The following CCDC73 variants were observed in gnomAD, a reference collection of about 807,000 sequenced individuals.
CCDC73 encodes the protein coiled-coil domain containing 73, also known as coiled-coil domain-containing protein 73.
CCDC73 carries 95 observed loss-of-function variants against 116.5 expected under a neutral mutation model. That is an observed-to-expected ratio of 0.82 (90% CI 0.69 to 0.97). The LOEUF is 0.97. Ranked by LOEUF, CCDC73 falls within the 50% of genes least tolerant of loss-of-function variation. The probability of loss-of-function intolerance (pLI) is 0.00; values close to 1 mark genes in which losing one functional copy is unlikely to be tolerated. For synonymous variants in CCDC73, 398 were observed against 401.3 expected, an observed-to-expected ratio of 0.99 and a Z score of 0.10; for missense variants, 1,066 against 1,206.8, an observed-to-expected ratio of 0.88 and a Z score of 1.73.
intron 9 of CCDC73, among the ~76,000 whole-genome samples, chr11:32,673,094 T>TA (rs1482198621): frequency 6.6e-6 from 1 of 151,994 alleles, no homozygotes; most frequent in African/African-American, 2.4e-5. Flanking sequence ...ACAACCCAAT[T>TA]AAAAAATGGG....
chr11:32,758,481 G>A (rs1411018931), intron 2 of CCDC73: 3 of 458,626 alleles, frequency 6.5e-6, no homozygotes, highest in Non-Finnish European at 8.7e-6. Context: ...TTGAAAAAAT[G>A]TGTCAGCAGA....
chr11:32,788,476 CTTTT>C (rs35792191), intron 1 of CCDC73, among the ~76,000 whole-genome samples: 4 of 140,096 alleles, frequency 2.9e-5, no homozygotes, highest in African/African-American at 2.6e-5. Flanking sequence ...TGGTACAAAT[CTTTT>C]TTTTTTTTTT....
chr11:32,792,780 T>C (rs1850688383), intron 1 of CCDC73, among the ~76,000 whole-genome samples: 1 of 152,230 alleles, frequency 6.6e-6, no homozygotes, highest in Admixed American at 6.5e-5. Context: ...GTTTCAATTC[T>C]AGCTCCACCA....
chr11:32,812,460 G>A, the CCDC73 span, among the ~76,000 whole-genome samples: 20 of 152,310 alleles, frequency 1.3e-4, no homozygotes, highest in East Asian at 2.9e-3. Flanking sequence ...GAGGTCGGGA[G>A]TTCAAGGCTA....
intron 1 of CCDC73, among the ~76,000 whole-genome samples, chr11:32,763,384 C>T (rs1338401688): frequency 6.6e-6 from 1 of 152,228 alleles, no homozygotes; most frequent in Admixed American, 6.5e-5. Flanking sequence ...CCGGGTACCC[C>T]TCTGAGACAA....
intron 12 of CCDC73, among the ~76,000 whole-genome samples, chr11:32,642,877 A>T (rs906203409): frequency 1.6e-4 from 24 of 151,378 alleles, no homozygotes; most frequent in African/African-American, 3.9e-4. Flanking sequence ...TTTTTTTTTA[A>T]AAAAAGTAAA....
intron 9 of CCDC73, among the ~76,000 whole-genome samples, chr11:32,671,767 A>G (rs996694783): frequency 6.6e-6 from 1 of 152,194 alleles, no homozygotes; most frequent in Non-Finnish European, 1.5e-5. Flanking sequence ...TTACCCTTCT[A>G]TAACAGTCTG....
intron 6 of CCDC73, among the ~76,000 whole-genome samples, chr11:32,686,304 G>A (rs1190283286): frequency 3.3e-5 from 5 of 149,974 alleles, no homozygotes; most frequent in African/African-American, 1.2e-4. Context: ...TCAGGAGGCA[G>A]GATTTTAGAA....
chr11:32,608,715 G>A (rs192597687), intron 17 of CCDC73, among the ~76,000 whole-genome samples: 1 of 152,296 alleles, frequency 6.6e-6, no homozygotes, highest in East Asian at 1.9e-4. Context: ...CCTAGCAGAG[G>A]TTCTCCATGA....
At chr11:32,761,333 C>A (rs1850390044) in intron 1 of CCDC73, among the ~76,000 whole-genome samples, 2 of 152,112 alleles carry the variant, frequency 1.3e-5, no homozygotes, top group South Asian at 4.2e-4. Context: ...AACTACTCAC[C>A]CACTGAATAA....
At chr11:32,743,633 A>T (rs1850209147) in intron 2 of CCDC73, among the ~76,000 whole-genome samples, 1 of 152,138 alleles carries the variant, frequency 6.6e-6, no homozygotes, top group African/African-American at 2.4e-5. Context: ...ATCCCTTGTA[A>T]GTTGGATTCC....
At chr11:32,622,897 A>G (rs1855536004) in intron 14 of CCDC73, among the ~76,000 whole-genome samples, 1 of 152,106 alleles carries the variant, frequency 6.6e-6, no homozygotes, top group Admixed American at 6.5e-5. Context: ...GAAGAAAAGG[A>G]AAAGATAACT....
At chr11:32,702,819 G>C (rs1471862426) in intron 4 of CCDC73, 54 bp downstream of exon 4, 6 of 1,165,526 alleles carry the variant, frequency 5.1e-6, no homozygotes, top group Middle Eastern at 2.0e-4. Flanking sequence ...TCATAGGAGG[G>C]GGAGGAAATG....
At chr11:32,732,739 G>A (rs1850090786) in intron 2 of CCDC73, among the ~76,000 whole-genome samples, 1 of 152,102 alleles carries the variant, frequency 6.6e-6, no homozygotes, top group African/African-American at 2.4e-5. Flanking sequence ...GTCACCACCA[G>A]GCCTGCCTTA....
intron 2 of CCDC73, among the ~76,000 whole-genome samples, chr11:32,732,898 G>A (rs1850092724): frequency 6.6e-6 from 1 of 152,066 alleles, no homozygotes; most frequent in African/African-American, 2.4e-5. Context: ...ATAATGATAG[G>A]ATCGAATTCA....
intron 1 of CCDC73, among the ~76,000 whole-genome samples, chr11:32,782,033 T>C (rs1021507688): frequency 2.6e-5 from 4 of 152,120 alleles, no homozygotes; most frequent in South Asian, 2.1e-4. Flanking sequence ...TAGATTCTCA[T>C]AGGAGTACAA....
At chr11:32,816,183 C>A in the CCDC73 span, among the ~76,000 whole-genome samples, 3 of 151,954 alleles carry the variant, frequency 2.0e-5, 1 homozygote, top group Middle Eastern at 6.3e-3. Flanking sequence ...GATATATTAA[C>A]CTAAAGTGAG....
chr11:32,692,473 A>G (rs1444328602), intron 6 of CCDC73, among the ~76,000 whole-genome samples: 1 of 152,062 alleles, frequency 6.6e-6, no homozygotes, highest in African/African-American at 2.4e-5. Flanking sequence ...TATATTAAAT[A>G]TCGCTTTGGT....
At chr11:32,672,239 G>C (rs985489306) in intron 9 of CCDC73, among the ~76,000 whole-genome samples, 2 of 152,162 alleles carry the variant, frequency 1.3e-5, no homozygotes, top group Non-Finnish European at 2.9e-5. Context: ...CTACTTGGGA[G>C]GCTGAGGCAG....
Sources: allele counts gnomAD v4.1 joint callset (sites outside exome capture counted in the v4.1 genomes callset), GRCh38; gene constraint gnomAD v4.1.1; transcripts MANE v1.5; gene names NCBI Gene and HGNC (gene_info 2026-07-23, HGNC 2026-07-21).